The following BNC2 variants were observed in gnomAD, a reference collection of about 807,000 sequenced individuals.
BNC2 encodes the protein zinc finger protein basonuclin-2.
In BNC2, 20 loss-of-function variants were observed where a neutral mutation model predicts 76.3. That is an observed-to-expected ratio of 0.26 (90% confidence interval 0.18 to 0.38). The LOEUF (loss-of-function observed/expected upper bound fraction) is 0.38, where lower values mean the gene tolerates loss of function less well. BNC2 is among the 10% of genes least tolerant of loss of function. The pLI is 1.00. For synonymous variants in BNC2, 582 were observed against 514.8 expected (o/e 1.13, Z -1.77); for missense variants, 1,382 against 1,399.8 (o/e 0.99, Z 0.20).
chr9:16,569,479 C>T (rs10120319), intron 4 of BNC2, among the ~76,000 whole-genome samples: 1 of 152,008 alleles, frequency 6.6e-6, no homozygotes, highest in Non-Finnish European at 1.5e-5. Flanking sequence ...ACTATACAGC[C>T]AATATTTCAA....
At chr9:16,782,139 T>A (rs1476926712) in intron 1 of BNC2, among the ~76,000 whole-genome samples, 1 of 151,774 alleles carries the variant, frequency 6.6e-6, no homozygotes, top group African/African-American at 2.4e-5. Context: ...ACAAAAATTA[T>A]CTGGACGTGG....
intron 3 of BNC2, among the ~76,000 whole-genome samples, chr9:16,599,626 A>C (rs970089828): frequency 6.6e-6 from 1 of 152,162 alleles, no homozygotes; most frequent in Non-Finnish European, 1.5e-5. Context: ...TCTATTAAAA[A>C]TACAAAAATA....
chr9:16,429,971 C>G (rs544553601), intron 6 of BNC2: 4 of 515,802 alleles, frequency 7.8e-6, no homozygotes, highest in Non-Finnish European at 1.5e-5. Context: ...ACAAGGAGAC[C>G]GTTTTGCTCA....
At chr9:16,584,261 G>C (rs992525234) in intron 3 of BNC2, among the ~76,000 whole-genome samples, 2 of 152,180 alleles carry the variant, frequency 1.3e-5, no homozygotes, top group Non-Finnish European at 2.9e-5. Flanking sequence ...CACTCACACA[G>C]CTCCAGATGC....
At chr9:16,703,637 C>G (rs1451929652) in intron 3 of BNC2, among the ~76,000 whole-genome samples, 2 of 152,110 alleles carry the variant, frequency 1.3e-5, no homozygotes, top group Non-Finnish European at 2.9e-5. Flanking sequence ...GAAGAACAAG[C>G]CATCATACAA....
In BNC2 at chr9:16,437,439, C is replaced by T; in HGVS notation, c.755G>A (p.Gly252Glu). ...CAGCTCCACAATGGATTTGGTTTCT[C>T]CAAACCGCAGAAACTGCTGAAGGGT... ...IITLQQFLRF[G>E]ETKSIVELMA... The change falls in exon 6 of 7, where the codon GGA becomes GAA. Residue 252 changes from glycine (G) to glutamate (E), a missense_variant. This residue lies in a region of BNC2 where 557 missense variants were observed against 540.9 expected (regional missense o/e 1.03). Coordinates refer to ENST00000380672, the MANE Select transcript of BNC2 (RefSeq NM_017637.6). The T allele has an allele frequency of 6.2e-7, 1 of 1,612,876 alleles. No homozygotes were observed. The highest frequency in any genetic ancestry group is 8.5e-7 in the Non-Finnish European group (1 of 1,179,330).
At chr9:16,565,763 G>C (rs570294078) in intron 4 of BNC2, among the ~76,000 whole-genome samples, 1 of 151,408 alleles carries the variant, frequency 6.6e-6, no homozygotes, top group South Asian at 2.1e-4. Context: ...AGCCAAGATT[G>C]CGCCACTGCA....
At chr9:16,642,240 G>C (rs1469898426) in intron 3 of BNC2, among the ~76,000 whole-genome samples, 3 of 152,142 alleles carry the variant, frequency 2.0e-5, no homozygotes, top group South Asian at 2.1e-4. Flanking sequence ...TTTTTTTAAG[G>C]AAAAGGAGAA....
At chr9:16,708,078 G>C (rs1368334183) in intron 3 of BNC2, among the ~76,000 whole-genome samples, 1 of 152,154 alleles carries the variant, frequency 6.6e-6, no homozygotes, top group African/African-American at 2.4e-5. Flanking sequence ...AGTGGAATCA[G>C]AACAATACAG....
intron 3 of BNC2, among the ~76,000 whole-genome samples, chr9:16,640,813 A>C (rs966348220): frequency 4.6e-5 from 7 of 152,176 alleles, no homozygotes; most frequent in African/African-American, 1.7e-4. Flanking sequence ...GAACAGCTGC[A>C]ACCAAGACCT....
intron 1 of BNC2, among the ~76,000 whole-genome samples, chr9:16,789,116 A>G (rs950539111): frequency 1.3e-5 from 2 of 152,214 alleles, no homozygotes; most frequent in Non-Finnish European, 2.9e-5. Context: ...TAAAGGAAAG[A>G]GACAGAATTA....
chr9:16,471,043 G>A (rs1821812857), intron 5 of BNC2, among the ~76,000 whole-genome samples: 1 of 152,180 alleles, frequency 6.6e-6, no homozygotes, highest in Non-Finnish European at 1.5e-5. Context: ...GTTGTCCCCT[G>A]CAAAGCCACA....
At chr9:16,801,731 T>TA (rs146510714) in intron 1 of BNC2, among the ~76,000 whole-genome samples, 16,802 of 55,238 alleles carry the variant, frequency 0.3, 1,218 homozygotes, top group African/African-American at 0.42. Flanking sequence ...CCCCTTAAAT[T>TA]AAAAAAAAAA....
chr9:16,618,189 G>A (rs1820765648), intron 3 of BNC2, among the ~76,000 whole-genome samples: 1 of 152,110 alleles, frequency 6.6e-6, no homozygotes, highest in African/African-American at 2.4e-5. Context: ...TGGCTACACT[G>A]GCTCTGTGAC....
At chr9:16,575,169 A>T (rs1053164235) in intron 4 of BNC2, 1 of 675,868 alleles carries the variant, frequency 1.5e-6, no homozygotes, top group African/African-American at 2.0e-5. Flanking sequence ...CAACTTGGCA[A>T]GATTCTACCT....
intron 5 of BNC2, among the ~76,000 whole-genome samples, chr9:16,449,256 C>G (rs77677727): frequency 6.6e-6 from 1 of 152,196 alleles, no homozygotes; most frequent in Admixed American, 6.5e-5. Flanking sequence ...ATTTGGAGAG[C>G]TGCAAACGTG....
chr9:16,768,221 G>A (rs971062076), intron 1 of BNC2, among the ~76,000 whole-genome samples: 6 of 151,844 alleles, frequency 4.0e-5, no homozygotes, highest in African/African-American at 1.2e-4. Flanking sequence ...CCACCTCAGC[G>A]TCCCAAAGTG....
intron 5 of BNC2, among the ~76,000 whole-genome samples, chr9:16,523,396 G>C (rs529769713): frequency 6.7e-6 from 1 of 149,870 alleles, no homozygotes; most frequent in Non-Finnish European, 1.5e-5. Flanking sequence ...GCATGAACCC[G>C]GGAGGCGGAG....
intron 1 of BNC2, among the ~76,000 whole-genome samples, chr9:16,824,915 G>A (rs554672995): frequency 5.0e-4 from 76 of 152,180 alleles, no homozygotes; most frequent in African/African-American, 1.8e-3. Flanking sequence ...AAGGACATAC[G>A]AAGATACGGT....
Sources: allele counts gnomAD v4.1 joint callset (sites outside exome capture counted in the v4.1 genomes callset), GRCh38; gene constraint gnomAD v4.1.1; regional missense constraint gnomAD v4.1.1; transcripts MANE v1.5; gene names NCBI Gene and HGNC (gene_info 2026-07-23, HGNC 2026-07-21).